Variants in MME observed in about 807,000 individuals in gnomAD.
The protein encoded by MME is membrane metalloendopeptidase.
Under a neutral mutation model 113.2 loss-of-function variants are expected in MME, and 98 were observed. The observed-to-expected ratio is 0.87, with a 90% CI of 0.74 to 1.02. MME has a LOEUF of 1.02. MME is among the 50% of genes least tolerant of loss of function. MME has a pLI of 0.00. For synonymous variants in MME, 292 were observed against 300.6 expected (o/e 0.97, Z 0.30); for missense variants, 836 against 896.0 (o/e 0.93, Z 0.86).
intron 17 of MME, among the ~76,000 whole-genome samples, chr3:155,164,674 C>T (rs1171921614): frequency 3.3e-5 from 5 of 152,102 alleles, no homozygotes; most frequent in Non-Finnish European, 7.4e-5. Flanking sequence ...GGATTTTAAT[C>T]AAAGTACATA....
Position 155,073,757 on chromosome 3 carries a change from AG to A in MME, c.-10-10399del, listed in dbSNP as rs1714656924. Among the ~76,000 whole-genome samples, 10 of 152,140 alleles carry A rather than the reference AG, an allele frequency of 6.6e-5. No homozygotes were observed. The South Asian group carries it at 2.1e-3, about 32-fold the overall frequency. ...CCTTTTTTTTTACAATGCTTTTTTA[AG>A]GATATATCTATATATTTATACCAAT... On this transcript the variant is annotated intron_variant, in intron 1 of 22. Coordinates refer to the MME transcript ENST00000492661.
chr3:155,131,376 A>G (rs1047043973), intron 8 of MME, among the ~76,000 whole-genome samples: 1 of 152,178 alleles, frequency 6.6e-6, no homozygotes, highest in African/African-American at 2.4e-5. Flanking sequence ...CAGCTATGAC[A>G]TGATAAGACA....
intron 12 of MME, among the ~76,000 whole-genome samples, chr3:155,142,692 G>A (rs1461283872): frequency 6.6e-6 from 1 of 152,098 alleles, no homozygotes; most frequent in East Asian, 1.9e-4. Context: ...TTGCACACTG[G>A]ACATATACAC....
intron 1 of MME, among the ~76,000 whole-genome samples, chr3:155,055,895 T>G (rs574520765): frequency 1.3e-5 from 2 of 152,188 alleles, no homozygotes; most frequent in African/African-American, 4.8e-5. Flanking sequence ...ATAGGGTTTT[T>G]GTATTATTTT....
intron 8 of MME, among the ~76,000 whole-genome samples, chr3:155,130,207 C>A (rs1388613948): frequency 6.6e-6 from 1 of 152,226 alleles, no homozygotes; most frequent in Non-Finnish European, 1.5e-5. Flanking sequence ...GTTTCCAACT[C>A]TAAGGACTAC....
At chr3:155,091,012 C>T (rs745854095) in intron 3 of MME, among the ~76,000 whole-genome samples, 3 of 152,202 alleles carry the variant, frequency 2.0e-5, no homozygotes, top group Non-Finnish European at 4.4e-5. Context: ...GGACTGATGG[C>T]TAACTCATGG....
chr3:155,062,904 C>T (rs1001047553), intron 1 of MME, among the ~76,000 whole-genome samples: 8 of 150,692 alleles, frequency 5.3e-5, no homozygotes, highest in African/African-American at 1.7e-4. Context: ...GGCATGGTGG[C>T]ACATGCCTGT....
Position 155,148,660 on chromosome 3 carries a change from A to G in MME, c.1601+7A>G, listed in dbSNP as rs775153159. On this transcript the variant is annotated splice_region_variant and intron_variant, in intron 16 of 22. Coordinates refer to ENST00000360490, the MANE Select transcript of MME (RefSeq NM_007289.4). ...AAAAGGTGGACAAAGATGAGTGCGT[A>G]TATTCTCATTTCTAATGTGATCATC... The G allele has an allele frequency of 5.0e-6, 8 of 1,593,808 alleles. No homozygotes were observed. The highest frequency in any genetic ancestry group is 6.9e-6 in the Non-Finnish European group (8 of 1,161,884).
At chr3:155,147,007 C>T (rs1383390392) in intron 14 of MME, 137 bp from the exon 15 acceptor site, 4 of 653,248 alleles carry the variant, frequency 6.1e-6, no homozygotes, top group African/African-American at 5.5e-5. Context: ...TTGCAAAGAT[C>T]TCTGTTTAAG....
At chr3:155,038,498 T>G (rs746295614) in intron 1 of MME, among the ~76,000 whole-genome samples, 7 of 152,160 alleles carry the variant, frequency 4.6e-5, no homozygotes, top group Non-Finnish European at 7.3e-5. Flanking sequence ...TGATTAGATT[T>G]TCGATCTACA....
At chr3:155,100,567 C>T (rs899345152) in intron 3 of MME, among the ~76,000 whole-genome samples, 1 of 152,066 alleles carries the variant, frequency 6.6e-6, no homozygotes, top group Non-Finnish European at 1.5e-5. Flanking sequence ...ATGCAGTGTA[C>T]CCACAATCAT....
intron 1 of MME, among the ~76,000 whole-genome samples, chr3:155,066,884 A>T (rs998547411): frequency 6.6e-6 from 1 of 152,168 alleles, no homozygotes; most frequent in Non-Finnish European, 1.5e-5. Flanking sequence ...GACCTAAGTG[A>T]ATCTAAAGAG....
chr3:155,084,225 A>C lies in MME; in HGVS notation c.58A>C (p.Lys20Gln), dbSNP rs1376115832. 1 of 1,614,046 alleles carries C rather than the reference A, an allele frequency of 6.2e-7. No homozygotes were observed. Among genetic ancestry groups the C allele is most frequent in the African/African-American group, 1.3e-5 (1 of 74,938 alleles). The stretch of plus-strand genomic sequence containing the variant: ...TGATATCAACACTCCAAAGCCAAAG[A>C]AGAAACAGCGATGGACTCCACTGGA... ...ITDINTPKPKKKQRWTPLEIS... is the reference protein window; with the variant it reads ...ITDINTPKPKQKQRWTPLEIS... Residue 20 changes from lysine (K) to glutamine (Q), a missense_variant, in exon 2 of 23, where the codon AAG (lysine) becomes CAG (glutamine). By Grantham distance (53) the Lys-to-Gln change is moderately conservative (BLOSUM62 1). Transcript: ENST00000360490.
chr3:155,043,854 A>G lies in MME; in HGVS notation c.-11+19530A>G, dbSNP rs145066822. Among the ~76,000 whole-genome samples, 268 of 152,022 alleles carry G rather than the reference A, an allele frequency of 1.8e-3. 1 individual carries two copies. Among genetic ancestry groups the G allele is most frequent in the African/African-American group, 6.4e-3 (264 of 41,488 alleles). ...TCAAAATTGTCCTTGCTATACTTAC[A>G]TGTTTACTTTTACGAATTTACTCTG... is the stretch of plus-strand genomic sequence containing the variant. On this transcript the variant is annotated intron_variant, in intron 1 of 22. Transcript: ENST00000492661.
chr3:155,164,570 A>G (rs188957701), intron 17 of MME, among the ~76,000 whole-genome samples: 49 of 152,330 alleles, frequency 3.2e-4, no homozygotes, highest in Admixed American at 8.5e-4. Flanking sequence ...TGCCTGAAGA[A>G]TGGCATATCA....
intron 3 of MME, among the ~76,000 whole-genome samples, chr3:155,107,403 CTGGGG>C (rs1254044929): frequency 6.6e-6 from 1 of 150,650 alleles, no homozygotes; most frequent in Non-Finnish European, 1.5e-5. Context: ...TGTCATGGCA[CTGGGG>C]GTATATATGT....
chr3:155,049,429 G>A (rs940501257), intron 1 of MME, among the ~76,000 whole-genome samples: 1 of 152,118 alleles, frequency 6.6e-6, no homozygotes, highest in African/African-American at 2.4e-5. Context: ...GGCTAGGAGA[G>A]AGGTACAGAA....
At chr3:155,135,046 G>T (rs1175301821) in intron 8 of MME, among the ~76,000 whole-genome samples, 2 of 151,898 alleles carry the variant, frequency 1.3e-5, no homozygotes, top group Non-Finnish European at 2.9e-5. Context: ...GACTTTTCTT[G>T]GATGCCTAGT....
At chr3:155,058,290 A>G (rs922429427) in intron 1 of MME, among the ~76,000 whole-genome samples, 1 of 152,190 alleles carries the variant, frequency 6.6e-6, no homozygotes, top group South Asian at 2.1e-4. Context: ...TCAAAAGACA[A>G]TTAAGCACTG....
Sources: allele counts gnomAD v4.1 joint callset (sites outside exome capture counted in the v4.1 genomes callset), GRCh38; gene constraint gnomAD v4.1.1; transcripts MANE v1.5; gene names NCBI Gene and HGNC (gene_info 2026-07-23, HGNC 2026-07-21).